SLCO5A1: variants seen among roughly 807,000 people sequenced by gnomAD.
SLCO5A1 encodes organic anion transporter polypeptide-related protein 4.
Under a neutral mutation model 65.1 loss-of-function variants are expected in SLCO5A1, and 39 were observed. The observed-to-expected ratio is 0.60, with a 90% CI of 0.46 to 0.78. The LOEUF (loss-of-function observed/expected upper bound fraction) is 0.78, where lower values mean the gene tolerates loss of function less well. Ranked by LOEUF, SLCO5A1 falls within the 30% of genes least tolerant of loss-of-function variation. SLCO5A1 has a pLI of 0.00. For synonymous variants in SLCO5A1, 438 were observed against 415.7 expected (o/e 1.05, Z -0.65); for missense variants, 1,029 against 1,069.4 (o/e 0.96, Z 0.53).
chr8:69,832,752 A>G lies in SLCO5A1; in HGVS notation c.-79T>C. On this transcript the variant is annotated 5_prime_UTR_variant, in exon 2 of 10. Transcript: ENST00000260126. The surrounding 1 kb of genome is among the most constrained non-coding windows in gnomAD (Gnocchi z 4.5). ...TTCATCCACCGGCACGAGGGGCCGA[A>G]GCCGGGCCCAGTCAGTCTTGCCCAC... The G allele has an allele frequency of 6.8e-7, 1 of 1,477,314 alleles. No homozygotes were observed. The highest frequency in any genetic ancestry group is 9.0e-7 in the Non-Finnish European group (1 of 1,111,222). 91.5% of individuals were successfully genotyped at this position (1,477,314 alleles called of 1,614,324 possible).
chr8:69,809,319 T>G (rs1236092879), intron 2 of SLCO5A1, among the ~76,000 whole-genome samples: 1 of 152,194 alleles, frequency 6.6e-6, no homozygotes, highest in Non-Finnish European at 1.5e-5. Context: ...AACATGTATT[T>G]TTAGCCTAGT....
chr8:69,772,976 T>G (rs1818396973), intron 2 of SLCO5A1: 2 of 985,138 alleles, frequency 2.0e-6, no homozygotes, highest in Non-Finnish European at 2.4e-6. Flanking sequence ...TGCTGTGGAC[T>G]GTGGGAAAGG....
rs1394911445 is a variant in SLCO5A1, at chr8:69,733,575, C to T, written c.1423+4465G>A. On this transcript the variant is annotated intron_variant, in intron 5 of 9. Transcript: ENST00000260126. ...TCAAATCTCATCTCAAATTGTAATC[C>T]CCGTAATCTCCATGTATCAAGGGAG... 2.0e-5 allele frequency among the ~76,000 whole-genome samples: 3 copies of T among 152,274 alleles called. No individual in the cohort carries two copies. In the East Asian group the frequency reaches 5.8e-4, roughly 29 times the overall value.
chr8:69,832,029 A>C lies in SLCO5A1; in HGVS notation c.645T>G (p.Pro215=). 1 of 1,608,144 alleles carries C rather than the reference A, an allele frequency of 6.2e-7. No homozygotes were observed. The highest frequency in any genetic ancestry group is 8.5e-7 in the Non-Finnish European group (1 of 1,177,508). Residue 215 remains proline (P), a synonymous_variant, in exon 2 of 10, where the codon CCT becomes CCG. Coordinates refer to ENST00000260126, the MANE Select transcript of SLCO5A1 (RefSeq NM_030958.3). This position sits in a 1 kb window ranked among gnomAD's most constrained non-coding sequence, Gnocchi z 4.5. ...IAFGAALFAL[P]HFISPPYQIQ... Reference sequence around the variant, plus strand: ...TCTGGTAGGGGGGCGAGATGAAGTGAGGTAAGGCGAAGAGGGCTGCCCCGA... The same window carrying C: ...TCTGGTAGGGGGGCGAGATGAAGTGCGGTAAGGCGAAGAGGGCTGCCCCGA...
intron 2 of SLCO5A1, among the ~76,000 whole-genome samples, chr8:69,819,733 G>A (rs1397187664): frequency 2.0e-5 from 3 of 152,156 alleles, no homozygotes; most frequent in Admixed American, 6.5e-5. Context: ...AGGCCGAGGT[G>A]GGCAGATCAC....
At chr8:69,687,613 A>G (rs1232323631) in intron 6 of SLCO5A1, among the ~76,000 whole-genome samples, 1 of 152,138 alleles carries the variant, frequency 6.6e-6, no homozygotes, top group African/African-American at 2.4e-5. Context: ...GAAATTTTTT[A>G]AAATACACAA....
chr8:69,815,153 G>T (rs1419048586), intron 2 of SLCO5A1, among the ~76,000 whole-genome samples: 1 of 152,058 alleles, frequency 6.6e-6, no homozygotes, highest in Non-Finnish European at 1.5e-5. Context: ...AAATTTCAAA[G>T]GTTTTCACCA....
intron 2 of SLCO5A1, among the ~76,000 whole-genome samples, chr8:69,804,607 T>A (rs751635899): frequency 3.3e-5 from 5 of 152,216 alleles, no homozygotes; most frequent in Non-Finnish European, 7.3e-5. Flanking sequence ...TGAGCCACCG[T>A]GCCCAGCTGC....
rs182286268 is a variant in SLCO5A1, at chr8:69,763,072, G to A, written c.908-1197C>T. ...CGCCTGTAATCCCAACACTTTGGGA[G>A]GCCAAGGCTGGTGGATCACCTGAGG... On this transcript the variant is annotated intron_variant, in intron 2 of 9. Transcript: ENST00000260126. Among the ~76,000 whole-genome samples the A allele has an allele frequency of 2.0e-5, 3 of 152,342 alleles. No individual in the cohort carries two copies. In the East Asian group the frequency reaches 5.8e-4, roughly 29 times the overall value.
intron 3 of SLCO5A1, among the ~76,000 whole-genome samples, chr8:69,758,853 T>G (rs1336617680): frequency 6.6e-6 from 1 of 152,182 alleles, no homozygotes; most frequent in Non-Finnish European, 1.5e-5. Context: ...ATCCCTTTCA[T>G]GAACCATGAC....
intron 2 of SLCO5A1, among the ~76,000 whole-genome samples, chr8:69,801,950 C>T (rs1819759217): frequency 6.6e-6 from 1 of 152,196 alleles, no homozygotes; most frequent in Non-Finnish European, 1.5e-5. Context: ...CCTCATGTCG[C>T]CTCAAGCTTT....
At position 69,783,771 on chromosome 8, in the gene SLCO5A1, C is replaced by G. The variant is rs145677609; in HGVS notation, c.908-21896G>C. 2.9e-3 allele frequency among the ~76,000 whole-genome samples: 438 copies of G among 152,090 alleles called. 3 individuals are homozygous for G. Among genetic ancestry groups the G allele is most frequent in the African/African-American group, 9.9e-3 (412 of 41,504 alleles). On this transcript the variant is annotated intron_variant, in intron 2 of 9. Coordinates refer to ENST00000260126, the MANE Select transcript of SLCO5A1 (RefSeq NM_030958.3). ...TATGAGTGAAAAAGAGGGCCATGCC[C>G]CTTCCTAAAAAGAGTGTGTGACCTA...
intron 2 of SLCO5A1, among the ~76,000 whole-genome samples, chr8:69,784,894 GGAAGAAAGA>G (rs1333417423): frequency 1.6e-5 from 1 of 64,406 alleles, no homozygotes; most frequent in African/African-American, 7.4e-5. Flanking sequence ...AAAGAAGAAA[GGAAGAAAGA>G]AAGAAAGAAA....
At position 69,667,474 on chromosome 8, in the gene SLCO5A1, C is replaced by T. The variant is rs1813216519; in HGVS notation, c.*5395G>A. ...GAAAAATGCCCATTATTTGGTACTA[C>T]TCTTACCAATTATCAATTACCAATT... On this transcript the variant is annotated 3_prime_UTR_variant, in exon 10 of 10. Coordinates refer to ENST00000260126, the MANE Select transcript of SLCO5A1 (RefSeq NM_030958.3). 1 of 152,180 alleles carries T rather than the reference C, an allele frequency of 6.6e-6. No homozygotes were observed. Among genetic ancestry groups the T allele is most frequent in the Non-Finnish European group, 1.5e-5 (1 of 68,028 alleles). The allele number at this position is 152,180 out of a possible 1,614,324, so 9.4% of individuals were successfully genotyped here.
chr8:69,791,417 A>T (rs1819262051), intron 2 of SLCO5A1, among the ~76,000 whole-genome samples: 1 of 152,198 alleles, frequency 6.6e-6, no homozygotes, highest in Admixed American at 6.5e-5. Context: ...CTGAGTCAGG[A>T]GATAAGAGAT....
intron 2 of SLCO5A1, among the ~76,000 whole-genome samples, chr8:69,780,852 T>C (rs1174740807): frequency 1.3e-5 from 2 of 150,640 alleles, no homozygotes; most frequent in Non-Finnish European, 3.0e-5. Context: ...GCTCTGCTAC[T>C]GAAAAAAAAA....
chr8:69,771,063 C>A (rs1221822225), intron 2 of SLCO5A1, among the ~76,000 whole-genome samples: 1 of 152,164 alleles, frequency 6.6e-6, no homozygotes, highest in Non-Finnish European at 1.5e-5. Context: ...TGGCTCACTG[C>A]AACCTCCGCC....
chr8:69,761,423 A>C (rs533009903), intron 3 of SLCO5A1: 1 of 270,302 alleles, frequency 3.7e-6, no homozygotes, highest in East Asian at 1.1e-4. Flanking sequence ...TAATCATCGA[A>C]TCTCCTTCTT....
At position 69,679,554 on chromosome 8, in the gene SLCO5A1, T is replaced by G; in HGVS notation, c.1848A>C (p.Gly616=). 6.2e-7 allele frequency: 1 copy of G among 1,614,234 alleles called. No homozygotes were observed. The change falls in exon 8 of 10, where the codon GGA becomes GGC. Residue 616 remains glycine, a synonymous_variant. Transcript: ENST00000260126. ...SRQVITPPTV[G]QRSQLRVVIV... ...TAACCACACGGAGCTGACTTCGCTG[T>G]CCCACGGTGGGTGGAGTGATCACTT...
Sources: allele counts gnomAD v4.1 joint callset (sites outside exome capture counted in the v4.1 genomes callset), GRCh38; gene constraint gnomAD v4.1.1; non-coding constraint Gnocchi (gnomAD v3.1); transcripts MANE v1.5; gene names NCBI Gene and HGNC (gene_info 2026-07-23, HGNC 2026-07-21).